Variants in SEPTIN9 observed in about 807,000 individuals in gnomAD.
SEPTIN9 encodes septin-9.
In SEPTIN9, 13 loss-of-function variants were observed where a neutral mutation model predicts 56.6. That is an observed-to-expected ratio of 0.23 (90% CI 0.15 to 0.37). SEPTIN9 has a LOEUF of 0.37. Ranked by LOEUF, SEPTIN9 falls within the 10% of genes least tolerant of loss-of-function variation. The probability of loss-of-function intolerance (pLI) is 1.00; values close to 1 mark genes in which losing one functional copy is unlikely to be tolerated. For synonymous variants in SEPTIN9, 332 were observed against 334.1 expected (o/e 0.99, Z 0.07); for missense variants, 650 against 823.1 (o/e 0.79, Z 2.57).
chr17:77,303,191 C>G (rs1303971294), intron 1 of SEPTIN9, among the ~76,000 whole-genome samples: 1 of 151,210 alleles, frequency 6.6e-6, no homozygotes, highest in African/African-American at 2.4e-5. Flanking sequence ...ACCTCCGTCT[C>G]CTGGGTTCAA....
At chr17:77,471,293 C>T (rs546150383) in intron 3 of SEPTIN9, among the ~76,000 whole-genome samples, 68 of 152,308 alleles carry the variant, frequency 4.5e-4, no homozygotes, top group African/African-American at 1.4e-3. Context: ...CCAAGCAGGC[C>T]GTGCCTCCAG....
chr17:77,364,224 G>A (rs1044656465), intron 2 of SEPTIN9, among the ~76,000 whole-genome samples: 3 of 152,232 alleles, frequency 2.0e-5, no homozygotes, highest in Non-Finnish European at 4.4e-5. Flanking sequence ...CACGCAGAGC[G>A]TTCTGTTCCC....
rs1227046372 is a variant in SEPTIN9, at chr17:77,482,131, G to T, written c.722-13G>T. On this transcript the variant is annotated splice_polypyrimidine_tract_variant and intron_variant, in intron 3 of 11. Coordinates refer to ENST00000427177, the MANE Select transcript of SEPTIN9 (RefSeq NM_001113491.2). Reference sequence around the variant, plus strand: ...CCTGTTCCGCTCTAACTCCTCTGCTGTTCCTTCCCCAGCCACTGAGGCGGC... The same window carrying T: ...CCTGTTCCGCTCTAACTCCTCTGCTTTTCCTTCCCCAGCCACTGAGGCGGC... The T allele has an allele frequency of 3.2e-6, 5 of 1,553,294 alleles. No homozygotes were observed. In the South Asian group the frequency reaches 5.9e-5, roughly 18 times the overall value.
intron 2 of SEPTIN9, among the ~76,000 whole-genome samples, chr17:77,331,401 C>T (rs1265746870): frequency 2.7e-5 from 4 of 149,544 alleles, no homozygotes; most frequent in Admixed American, 6.7e-5. Context: ...GTTTGTCGAG[C>T]GGGGGCGGTG....
chr17:77,475,813 C>T lies in SEPTIN9; in HGVS notation c.722-6331C>T, dbSNP rs375553661. On this transcript the variant is annotated intron_variant, in intron 3 of 11. Coordinates refer to ENST00000427177, the MANE Select transcript of SEPTIN9 (RefSeq NM_001113491.2). This position sits in a 1 kb window ranked among gnomAD's most constrained non-coding sequence, Gnocchi z 4.6. The stretch of plus-strand genomic sequence containing the variant: ...TGGTGAGTGCCACCGGCTCCCCTGC[C>T]GTGGCCTGGTCAGTGGCTTCACAGG... 96 of 1,613,432 alleles carry T rather than the reference C, an allele frequency of 6.0e-5. No homozygotes were observed. Among genetic ancestry groups the T allele is most frequent in the Admixed American group, 4.2e-4 (25 of 60,030 alleles).
At chr17:77,419,384 G>A (rs982805705) in intron 3 of SEPTIN9, among the ~76,000 whole-genome samples, 11 of 152,152 alleles carry the variant, frequency 7.2e-5, no homozygotes, top group African/African-American at 2.7e-4. Context: ...GGACCCCGGC[G>A]CTGTACCTGT....
Position 77,475,511 on chromosome 17 carries a change from G to A in SEPTIN9, c.722-6633G>A, listed in dbSNP as rs769427541. 5 of 1,609,622 alleles carry A rather than the reference G, an allele frequency of 3.1e-6. No homozygotes were observed. The African/African-American group carries it at 5.4e-5, about 17-fold the overall frequency. ...CATCTGTTAGTTTATAGGACCTGAAGTGCCCCCATGGGCTCAAGTTTCTGG... is the reference window on the plus strand; with the variant it reads ...CATCTGTTAGTTTATAGGACCTGAAATGCCCCCATGGGCTCAAGTTTCTGG... On this transcript the variant is annotated intron_variant, in intron 3 of 11. Transcript: ENST00000427177. This position sits in a 1 kb window ranked among gnomAD's most constrained non-coding sequence, Gnocchi z 4.6.
At chr17:77,302,329 CTA>C (rs1057485466) in intron 1 of SEPTIN9, among the ~76,000 whole-genome samples, 14 of 151,990 alleles carry the variant, frequency 9.2e-5, no homozygotes, top group African/African-American at 3.4e-4. Context: ...CCTTCATGCT[CTA>C]TGTCTTTCTT....
chr17:77,457,304 C>T (rs951141645), intron 3 of SEPTIN9, among the ~76,000 whole-genome samples: 1 of 152,122 alleles, frequency 6.6e-6, no homozygotes, highest in African/African-American at 2.4e-5. Context: ...TCAGGCCTCC[C>T]GTGAGAAGCA....
rs946010593 is a variant in SEPTIN9 at position 77,421,081 on chromosome 17, G to A, written c.721+18378G>A. 2.0e-5 allele frequency among the ~76,000 whole-genome samples: 3 copies of A among 152,202 alleles called. No individual in the cohort carries two copies. Among genetic ancestry groups the A allele is most frequent in the East Asian group, 1.9e-4 (1 of 5,188 alleles). ...GTCGGGGTAGGGGTGGAGCTCTGCC[G>A]TCGCTGACTCCCGGGCTACCTGGAG... On this transcript the variant is annotated intron_variant, in intron 3 of 11. Transcript: ENST00000427177. This position sits in a 1 kb window ranked among gnomAD's most constrained non-coding sequence, Gnocchi z 4.6.
intron 1 of SEPTIN9, among the ~76,000 whole-genome samples, chr17:77,304,684 C>T (rs1484892522): frequency 1.3e-5 from 2 of 152,152 alleles, no homozygotes; most frequent in South Asian, 2.1e-4. Flanking sequence ...CTCCTTACCC[C>T]CCATTGTTTC....
At position 77,327,306 on chromosome 17, in the gene SEPTIN9, C is replaced by T. The variant is rs557831386; in HGVS notation, c.76+20109C>T. On this transcript the variant is annotated intron_variant, in intron 2 of 11. Coordinates refer to ENST00000427177, the MANE Select transcript of SEPTIN9 (RefSeq NM_001113491.2). The surrounding 1 kb of genome is among the most constrained non-coding windows in gnomAD (Gnocchi z 5.0). ...AGGCCTCCTTGCTCACTCCAGCTTCCTGGCCCGTCTCTTGCTCTGGGCACC... is the reference window on the plus strand; with the variant it reads ...AGGCCTCCTTGCTCACTCCAGCTTCTTGGCCCGTCTCTTGCTCTGGGCACC... 9.1e-4 allele frequency among the ~76,000 whole-genome samples: 138 copies of T among 152,302 alleles called. 1 individual carries two copies. Among genetic ancestry groups the T allele is most frequent in the African/African-American group, 3.1e-3 (129 of 41,578 alleles).
rs34313886 is a variant in SEPTIN9, at chr17:77,363,379, CTT to C, written c.77-38655_77-38654del. ...CTGGCTCTCCAGGCCTTGGGCCTGT[CTT>C]TTTTTTTTTTTTTTTTTTTTTTTTG... On this transcript the variant is annotated intron_variant, in intron 2 of 11. Coordinates refer to ENST00000427177, the MANE Select transcript of SEPTIN9 (RefSeq NM_001113491.2). Among the ~76,000 whole-genome samples the C allele has an allele frequency of 6.2e-4, 41 of 66,612 alleles. No homozygotes were observed. The East Asian group carries it at 0.019, about 31-fold the overall frequency. 43.7% of individuals were successfully genotyped at this position (66,612 alleles called of 152,430 possible).
intron 3 of SEPTIN9, among the ~76,000 whole-genome samples, chr17:77,409,321 G>A (rs944890481): frequency 6.6e-6 from 1 of 152,120 alleles, no homozygotes; most frequent in African/African-American, 2.4e-5. Context: ...CAGGCCCGGT[G>A]TGTCTCCTTC....
intron 3 of SEPTIN9, among the ~76,000 whole-genome samples, chr17:77,408,446 G>GC (rs113895227): frequency 0.033 from 5,014 of 152,140 alleles, 271 homozygotes; most frequent in African/African-American, 0.11. Flanking sequence ...AGGGGGTCAG[G>GC]CCCCCCCGAG....
chr17:77,431,989 C>T (rs75774410), intron 3 of SEPTIN9, among the ~76,000 whole-genome samples: 2,118 of 151,964 alleles, frequency 0.014, 48 homozygotes, highest in African/African-American at 0.049. Flanking sequence ...TCGTGGCTGG[C>T]GGGACTTAGA....
chr17:77,491,395 G>A (rs1033644467), intron 8 of SEPTIN9, among the ~76,000 whole-genome samples: 1 of 151,852 alleles, frequency 6.6e-6, no homozygotes, highest in Non-Finnish European at 1.5e-5. Context: ...ACGAGGTTTT[G>A]CCATGTTGCC....
intron 3 of SEPTIN9, among the ~76,000 whole-genome samples, chr17:77,408,671 G>T (rs552514783): frequency 7.9e-5 from 12 of 152,038 alleles, no homozygotes; most frequent in Non-Finnish European, 1.2e-4. Context: ...GAGCCTGAGT[G>T]GGGGGTGGGG....
At chr17:77,448,376 T>C (rs1040232799) in intron 3 of SEPTIN9, among the ~76,000 whole-genome samples, 2 of 151,812 alleles carry the variant, frequency 1.3e-5, no homozygotes, top group African/African-American at 2.4e-5. Flanking sequence ...CTTGGGAGGC[T>C]GAGGCGGGAG....
Sources: gnomAD v4.1 joint callset for allele counts (sites outside exome capture counted in the v4.1 genomes callset) on GRCh38, gnomAD v4.1.1 for gene constraint, Gnocchi (gnomAD v3.1) non-coding constraint, MANE v1.5 for transcripts, NCBI Gene and HGNC (gene_info 2026-07-23, HGNC 2026-07-21) for gene names.